Variants in NRROS observed in about 807,000 individuals in gnomAD.
NRROS encodes the protein transforming growth factor beta activator LRRC33.
Under a neutral mutation model 12.0 loss-of-function variants are expected in NRROS, and 6 were observed. That is an observed-to-expected ratio of 0.50 (90% confidence interval 0.27 to 0.98). The LOEUF (loss-of-function observed/expected upper bound fraction) is 0.98. NRROS is among the 50% of genes least tolerant of loss of function. The pLI is 0.11. For synonymous variants in NRROS, 462 were observed against 410.2 expected (o/e 1.13, Z -1.53); for missense variants, 857 against 888.2 (o/e 0.96, Z 0.45).
chr3:196,643,904 T>G (rs529931582), intron 1 of NRROS, among the ~76,000 whole-genome samples: 18 of 152,318 alleles, frequency 1.2e-4, no homozygotes, highest in African/African-American at 4.3e-4. Flanking sequence ...ACACCAAGGC[T>G]GAGCCTTTTC....
Position 196,660,478 on chromosome 3 carries a change from C to T in NRROS, c.835C>T (p.Leu279=). Residue 279 remains leucine (L), a synonymous_variant, in exon 3 of 3, where the codon CTG becomes TTG. Coordinates refer to ENST00000328557, the MANE Select transcript of NRROS (RefSeq NM_198565.3). This position sits in a 1 kb window ranked among gnomAD's most constrained non-coding sequence, Gnocchi z 7.7. The stretch of plus-strand genomic sequence containing the variant: ...GTACAGCAAGTTGCGGACCCTCCTG[C>T]TGCGCGACAACAACATGGGCTTCTA... ...PQYSKLRTLL[L]RDNNMGFYRD... 1 of 1,614,144 alleles carries T rather than the reference C, an allele frequency of 6.2e-7. No individual in the cohort carries two copies. The highest frequency in any genetic ancestry group is 8.5e-7 in the Non-Finnish European group (1 of 1,180,032).
intron 1 of NRROS, among the ~76,000 whole-genome samples, chr3:196,653,182 A>G (rs1737465070): frequency 6.6e-6 from 1 of 152,110 alleles, no homozygotes; most frequent in South Asian, 2.1e-4. Flanking sequence ...AGAGGCAGAA[A>G]TGGGTCTGGA....
intron 1 of NRROS, among the ~76,000 whole-genome samples, chr3:196,649,209 T>C (rs946298858): frequency 6.6e-6 from 1 of 152,206 alleles, no homozygotes; most frequent in Non-Finnish European, 1.5e-5. Context: ...CTGTTGGAAA[T>C]GGTCACAGAC....
intron 2 of NRROS, among the ~76,000 whole-genome samples, chr3:196,659,121 C>T (rs971701302): frequency 2.6e-5 from 4 of 152,082 alleles, no homozygotes; most frequent in Non-Finnish European, 5.9e-5. Context: ...GTGGCCTCGT[C>T]CCTCCCGCCT....
chr3:196,655,885 A>G (rs12493587), intron 2 of NRROS, among the ~76,000 whole-genome samples: 23,961 of 152,240 alleles, frequency 0.16, 2,100 homozygotes, highest in Admixed American at 0.28. Context: ...CAAGAAACAC[A>G]TATTTAGGCC....
At chr3:196,646,268 G>A (rs1336233033) in intron 1 of NRROS, among the ~76,000 whole-genome samples, 6 of 152,244 alleles carry the variant, frequency 3.9e-5, no homozygotes, top group African/African-American at 1.4e-4. Flanking sequence ...TATCGAGAAG[G>A]GCGGTGGCAG....
intron 1 of NRROS, among the ~76,000 whole-genome samples, chr3:196,648,810 T>C (rs1187812953): frequency 6.8e-6 from 1 of 147,878 alleles, no homozygotes; most frequent in Non-Finnish European, 1.5e-5. Context: ...CCACTCAAGG[T>C]TCATTCACTG....
chr3:196,659,939 G>A lies in NRROS; in HGVS notation c.296G>A (p.Gly99Asp), dbSNP rs1436662430. 1 of 1,613,962 alleles carries A rather than the reference G, an allele frequency of 6.2e-7. No individual in the cohort carries two copies. Among genetic ancestry groups the A allele is most frequent in the Non-Finnish European group, 8.5e-7 (1 of 1,180,012 alleles). Residue 99 changes from glycine (G) to aspartate (D), a missense_variant, in exon 3 of 3, where the codon GGC becomes GAC. Coordinates refer to ENST00000328557, the MANE Select transcript of NRROS (RefSeq NM_198565.3). ...TGCCACCTGGAGCGCATCAGCCGCG[G>A]CGCCTTCCAGGAGCAAGGTCACCTG... The part of the protein sequence containing the change: ...HSCHLERISR[G>D]AFQEQGHLRS...
rs1737483598 is a variant in NRROS, at chr3:196,654,018, TG to T, written c.-13-508del. 6.6e-6 allele frequency among the ~76,000 whole-genome samples: 1 copy of T among 152,224 alleles called. No individual in the cohort carries two copies. The highest frequency in any genetic ancestry group is 1.5e-5 in the Non-Finnish European group (1 of 68,042). Reference sequence around the variant, plus strand: ...AGTGAACCAAAGAGATCAACGCTTTTGTAACAGCCCCACATCAGCAGCTGAG... The same window carrying T: ...AGTGAACCAAAGAGATCAACGCTTTTTAACAGCCCCACATCAGCAGCTGAG... On this transcript the variant is annotated intron_variant, in intron 1 of 2. Coordinates refer to ENST00000328557, the MANE Select transcript of NRROS (RefSeq NM_198565.3). This position sits in a 1 kb window ranked among gnomAD's most constrained non-coding sequence, Gnocchi z 4.4.
At chr3:196,657,016 C>T (rs186954927) in intron 2 of NRROS, among the ~76,000 whole-genome samples, 2,260 of 151,656 alleles carry the variant, frequency 0.015, 26 homozygotes, top group Non-Finnish European at 0.024. Flanking sequence ...CCAGCCTGAC[C>T]AACATGGTGA....
chr3:196,640,029 C>G (rs1034206718), intron 1 of NRROS, among the ~76,000 whole-genome samples, 154 bp downstream of exon 1: 1 of 152,170 alleles, frequency 6.6e-6, no homozygotes, highest in Non-Finnish European at 1.5e-5. Flanking sequence ...GTCCAAGCGC[C>G]GCCGCTTTTG....
Position 196,642,728 on chromosome 3 carries a change from C to T in NRROS, c.-14+2853C>T, listed in dbSNP as rs935624689. 4.6e-5 allele frequency among the ~76,000 whole-genome samples: 7 copies of T among 152,182 alleles called. No homozygotes were observed. The East Asian group carries it at 5.8e-4, about 13-fold the overall frequency. ...AAAGGAAGGGGGTTGGTTGCACAGC[C>T]GCGTAAGGGTACTTAACACTACTGA... On this transcript the variant is annotated intron_variant, in intron 1 of 2. Transcript: ENST00000328557.
chr3:196,649,558 A>G (rs1199968728), intron 1 of NRROS, among the ~76,000 whole-genome samples: 9 of 150,140 alleles, frequency 6.0e-5, no homozygotes, highest in Non-Finnish European at 1.3e-4. Flanking sequence ...TGCAAGCTCC[A>G]CCTCCCGGGT....
At chr3:196,644,884 T>C (rs912075723) in intron 1 of NRROS, among the ~76,000 whole-genome samples, 10 of 151,850 alleles carry the variant, frequency 6.6e-5, no homozygotes, top group Admixed American at 5.9e-4. Flanking sequence ...GGCTGGGAGC[T>C]TGAGGCTGTA....
chr3:196,652,533 T>G (rs1340885327), intron 1 of NRROS, among the ~76,000 whole-genome samples: 1 of 152,212 alleles, frequency 6.6e-6, no homozygotes, highest in East Asian at 1.9e-4. Context: ...TCTGCTTGGT[T>G]CCAAATTCCA....
Position 196,660,271 on chromosome 3 carries a change from C to T in NRROS, c.628C>T (p.Leu210Phe). ...AFDGLAELRHLNLAFNNLPCI... is the reference protein window; with the variant it reads ...AFDGLAELRHFNLAFNNLPCI... ...CGACGGCCTGGCTGAGCTGAGGCACCTCAACCTGGCCTTCAACAACCTCCC... is the reference window on the plus strand; with the variant it reads ...CGACGGCCTGGCTGAGCTGAGGCACTTCAACCTGGCCTTCAACAACCTCCC... Residue 210 changes from leucine (L) to phenylalanine (F), a missense_variant, in exon 3 of 3, where the codon CTC becomes TTC. Physicochemically the swap from Leu to Phe is conservative, Grantham distance 22 (BLOSUM62 0). Coordinates refer to ENST00000328557, the MANE Select transcript of NRROS (RefSeq NM_198565.3). The surrounding 1 kb of genome is among the most constrained non-coding windows in gnomAD (Gnocchi z 7.7). 6.2e-7 allele frequency: 1 copy of T among 1,613,922 alleles called. No homozygotes were observed. Among genetic ancestry groups the T allele is most frequent in the Middle Eastern group, 1.6e-4 (1 of 6,062 alleles).
chr3:196,650,346 G>C (rs991093098), intron 1 of NRROS, among the ~76,000 whole-genome samples: 1 of 152,174 alleles, frequency 6.6e-6, no homozygotes, highest in African/African-American at 2.4e-5. Context: ...GTTTCACCAG[G>C]TTGGCCAGGC....
intron 1 of NRROS, among the ~76,000 whole-genome samples, chr3:196,648,385 A>G (rs1737350035): frequency 6.6e-6 from 1 of 152,208 alleles, no homozygotes; most frequent in African/African-American, 2.4e-5. Context: ...TGCAGACCTC[A>G]TATCATCTGT....
At chr3:196,659,422 C>T (rs972053441) in intron 2 of NRROS, among the ~76,000 whole-genome samples, 1 of 151,168 alleles carries the variant, frequency 6.6e-6, no homozygotes, top group African/African-American at 2.4e-5. Context: ...AATTCTCTGC[C>T]TCAGCCTCCG....
Sources: gnomAD v4.1 joint callset for allele counts (sites outside exome capture counted in the v4.1 genomes callset) on GRCh38, gnomAD v4.1.1 for gene constraint, Gnocchi (gnomAD v3.1) non-coding constraint, MANE v1.5 for transcripts, NCBI Gene and HGNC (gene_info 2026-07-23, HGNC 2026-07-21) for gene names.